The following CDK17 variants were observed in gnomAD, a reference collection of about 807,000 sequenced individuals.
CDK17 encodes the protein cyclin-dependent kinase 17.
CDK17 carries 24 observed loss-of-function variants against 77.6 expected under a neutral mutation model. The ratio of observed to expected loss-of-function variants is 0.31; its 90% CI spans 0.22 to 0.44. CDK17 has a LOEUF of 0.44. Among genes scored for constraint, CDK17 ranks in the 20% least tolerant of loss-of-function variants. CDK17 has a pLI of 1.00. For missense variants in CDK17, 429 were observed against 622.5 expected, an observed-to-expected ratio of 0.69 and a Z score of 3.31; for synonymous variants, 203 against 210.4, an observed-to-expected ratio of 0.96 and a Z score of 0.30.
At chr12:96,307,604 C>T (rs1952592484) in intron 5 of CDK17, among the ~76,000 whole-genome samples, 1 of 152,158 alleles carries the variant, frequency 6.6e-6, no homozygotes, top group Non-Finnish European at 1.5e-5. Context: ...GGCACAGTGG[C>T]TTATGCCTGT....
intron 1 of CDK17, among the ~76,000 whole-genome samples, chr12:96,368,750 T>C (rs1372108349): frequency 1.4e-5 from 2 of 140,076 alleles, no homozygotes; most frequent in Admixed American, 8.0e-5. Flanking sequence ...GAGTCTGCCT[T>C]AGAAGCATCA....
chr12:96,280,919 G>A (rs772662227), intron 15 of CDK17, 34 bp from the exon 16 acceptor site: 1 of 1,546,248 alleles, frequency 6.5e-7, no homozygotes, highest in South Asian at 1.1e-5. Context: ...TTAGGTGAAG[G>A]TCTAACATTA....
chr12:96,384,043 G>A (rs1953929585), intron 1 of CDK17, among the ~76,000 whole-genome samples: 1 of 150,854 alleles, frequency 6.6e-6, no homozygotes, highest in Non-Finnish European at 1.5e-5. Context: ...AATCCATACG[G>A]AACTTAAATC....
intron 2 of CDK17, among the ~76,000 whole-genome samples, chr12:96,326,148 T>C (rs1374672267): frequency 6.6e-6 from 1 of 152,196 alleles, no homozygotes; most frequent in Non-Finnish European, 1.5e-5. Flanking sequence ...AACATTTTAG[T>C]TGCTCTGTAA....
intron 5 of CDK17, among the ~76,000 whole-genome samples, chr12:96,302,245 A>G (rs1025356462): frequency 6.6e-6 from 1 of 152,148 alleles, no homozygotes; most frequent in African/African-American, 2.4e-5. Flanking sequence ...TTTTAAAATC[A>G]GTATGAAAAA....
intron 5 of CDK17, among the ~76,000 whole-genome samples, chr12:96,301,505 A>G (rs1340621985): frequency 6.6e-6 from 1 of 152,196 alleles, no homozygotes; most frequent in Non-Finnish European, 1.5e-5. Flanking sequence ...AAATATTTTA[A>G]AAAGTAAAAC....
chr12:96,372,331 T>C (rs1473901450), intron 1 of CDK17, among the ~76,000 whole-genome samples: 1 of 152,174 alleles, frequency 6.6e-6, no homozygotes, highest in Non-Finnish European at 1.5e-5. Context: ...TTCAAAGATA[T>C]TGAAAAGGCC....
chr12:96,358,370 TAAAAAAAAAA>T (rs35899533), intron 1 of CDK17, among the ~76,000 whole-genome samples: 2 of 35,182 alleles, frequency 5.7e-5, no homozygotes, highest in South Asian at 8.1e-4. Flanking sequence ...TGCAAACTTG[TAAAAAAAAAA>T]AAAAAAAAAA....
At chr12:96,309,254 T>A (rs1484393030) in intron 5 of CDK17, among the ~76,000 whole-genome samples, 1 of 152,180 alleles carries the variant, frequency 6.6e-6, no homozygotes, top group Admixed American at 6.5e-5. Context: ...GTACATGAAG[T>A]TTCCTCTTCT....
At chr12:96,368,811 G>GGGT (rs1187228243) in intron 1 of CDK17, among the ~76,000 whole-genome samples, 1 of 11,770 alleles carries the variant, frequency 8.5e-5, no homozygotes, top group African/African-American at 2.1e-4. Context: ...TAAGACGGGG[G>GGGT]GGGGGGGGGG....
chr12:96,357,667 C>A (rs1392361614), intron 1 of CDK17, among the ~76,000 whole-genome samples: 1 of 152,124 alleles, frequency 6.6e-6, no homozygotes, highest in African/African-American at 2.4e-5. Context: ...ATAAAGCAAG[C>A]ACTGAGAGGT....
chr12:96,397,574 TAA>T (rs1954192059), intron 1 of CDK17, among the ~76,000 whole-genome samples: 1 of 152,210 alleles, frequency 6.6e-6, no homozygotes, highest in South Asian at 2.1e-4. Flanking sequence ...AACAAGACTT[TAA>T]TTCTACATTT....
intron 1 of CDK17, among the ~76,000 whole-genome samples, chr12:96,390,230 C>T (rs1048435064): frequency 2.7e-5 from 4 of 150,272 alleles, no homozygotes; most frequent in African/African-American, 9.8e-5. Flanking sequence ...CAGCTTACTG[C>T]AACCTCCACC....
chr12:96,287,681 A>C (rs1952264751), intron 11 of CDK17, among the ~76,000 whole-genome samples: 1 of 152,038 alleles, frequency 6.6e-6, no homozygotes, highest in Non-Finnish European at 1.5e-5. Context: ...AGAGAGAGAT[A>C]ATTGAAAGCA....
At chr12:96,342,756 G>A (rs765268072) in intron 1 of CDK17, among the ~76,000 whole-genome samples, 2 of 152,022 alleles carry the variant, frequency 1.3e-5, no homozygotes, top group Non-Finnish European at 2.9e-5. Flanking sequence ...CCTGAGGTTG[G>A]GAGTTCAAGA....
intron 1 of CDK17, among the ~76,000 whole-genome samples, chr12:96,366,979 TC>T (rs2137199171): frequency 6.6e-6 from 1 of 152,280 alleles, no homozygotes; most frequent in Admixed American, 6.5e-5. Context: ...CTTACTTATT[TC>T]ACTGTAACTC....
intron 7 of CDK17, among the ~76,000 whole-genome samples, chr12:96,298,596 T>C (rs924917195): frequency 6.6e-6 from 1 of 152,220 alleles, no homozygotes; most frequent in Admixed American, 6.5e-5. Context: ...GGTTAATTTA[T>C]AGTTACCATG....
chr12:96,301,935 T>C (rs564344978), intron 5 of CDK17, among the ~76,000 whole-genome samples: 2 of 152,294 alleles, frequency 1.3e-5, no homozygotes, highest in African/African-American at 4.8e-5. Context: ...TTAAAAGCCA[T>C]GTGGAAAACT....
intron 3 of CDK17, among the ~76,000 whole-genome samples, chr12:96,320,558 T>C (rs1160587441): frequency 0.01 from 1,544 of 148,784 alleles, 43 homozygotes; most frequent in Admixed American, 0.064. Flanking sequence ...CTTCAAACTA[T>C]ACTACAAGGC....
Sources: allele counts gnomAD v4.1 joint callset (sites outside exome capture counted in the v4.1 genomes callset), GRCh38; gene constraint gnomAD v4.1.1; transcripts MANE v1.5; gene names NCBI Gene and HGNC (gene_info 2026-07-23, HGNC 2026-07-21).